NEK9: variants seen among roughly 807,000 people sequenced by gnomAD.
The protein encoded by NEK9 is serine/threonine-protein kinase Nek9.
In NEK9, 75 loss-of-function variants were observed where a neutral mutation model predicts 123.4. The ratio of observed to expected loss-of-function variants is 0.61; its 90% CI spans 0.50 to 0.74. The LOEUF is 0.74. NEK9 is among the 30% of genes least tolerant of loss of function. The pLI is 0.00. For synonymous variants in NEK9, 438 were observed against 458.7 expected (o/e 0.95, Z 0.58); for missense variants, 952 against 1,214.4 (o/e 0.78, Z 3.21).
At chr14:75,117,431 T>C in intron 5 of NEK9, 105 bp from the exon 6 acceptor site, 1 of 1,270,156 alleles carries the variant, frequency 7.9e-7, no homozygotes, top group Non-Finnish European at 1.1e-6. Context: ...ATAACAACCA[T>C]AAAACATTCA....
intron 21 of NEK9, chr14:75,085,004 T>TTG (rs946977920): frequency 1.7e-4 from 49 of 284,924 alleles, no homozygotes; most frequent in African/African-American, 8.2e-4. Flanking sequence ...CAATCTTACC[T>TTG]TGTGTGTGTG....
chr14:75,126,828 GCCCCGGACTCGAGTCCCCGCAAC>G lies in NEK9; in HGVS notation c.71_93del (p.Gly24AlafsTer2), dbSNP rs1895550739. The G allele has an allele frequency of 3.9e-6, 6 of 1,533,874 alleles. No homozygotes were observed. The highest frequency in any genetic ancestry group is 4.0e-5 in the Admixed American group (2 of 49,548). On this transcript the variant is annotated frameshift_variant, in exon 1 of 22. Transcript: ENST00000238616. LOFTEE classifies it high-confidence loss of function. Reference sequence around the variant, plus strand: ...GCTCGCGGCCCCTGACTGGCGCTAGGCCCCGGACTCGAGTCCCCGCAACCCCCGGACTCGCTCCCAAAGTCCGA... The same window carrying G: ...GCTCGCGGCCCCTGACTGGCGCTAGGCCCCGGACTCGCTCCCAAAGTCCGA...
chr14:75,120,644 C>T (rs1594852418), intron 3 of NEK9, 64 bp from the exon 4 acceptor site: 1 of 1,209,892 alleles, frequency 8.3e-7, no homozygotes, highest in Non-Finnish European at 1.2e-6. Context: ...AATACACACA[C>T]ACATAAACAA....
At chr14:75,109,587 C>T (rs1382949693) in intron 10 of NEK9, 98 bp downstream of exon 10, 1 of 1,127,910 alleles carries the variant, frequency 8.9e-7, no homozygotes, top group Non-Finnish European at 1.3e-6. Flanking sequence ...GTTGCCACTC[C>T]CTTAGTATAG....
chr14:75,091,631 G>T, intron 18 of NEK9, 153 bp from the exon 19 acceptor site: 1 of 522,234 alleles, frequency 1.9e-6, no homozygotes, highest in South Asian at 4.5e-5. Flanking sequence ...TAAATTTTTG[G>T]TTTTCATACA....
Position 75,102,554 on chromosome 14 carries a change from G to A in NEK9, c.1732-789C>T, listed in dbSNP as rs1301559802. Among the ~76,000 whole-genome samples, 6 of 151,058 alleles carry A rather than the reference G, an allele frequency of 4.0e-5. No individual in the cohort carries two copies. The East Asian group carries it at 1.2e-3, about 30-fold the overall frequency. ...TTTTTAGTGGAGACAGGGTTTCACCGTGTTAGCCAGGATGGTCTTGATCTC... is the reference window on the plus strand; with the variant it reads ...TTTTTAGTGGAGACAGGGTTTCACCATGTTAGCCAGGATGGTCTTGATCTC... On this transcript the variant is annotated intron_variant, in intron 14 of 21. Coordinates refer to ENST00000238616, the MANE Select transcript of NEK9 (RefSeq NM_033116.6).
chr14:75,097,379 A>C, intron 16 of NEK9, 109 bp from the exon 17 acceptor site: 1 of 888,206 alleles, frequency 1.1e-6, no homozygotes, highest in Non-Finnish European at 1.6e-6. Flanking sequence ...ACTATGTACT[A>C]AACAAGGGAA....
At chr14:75,086,891 C>A in intron 21 of NEK9, 127 bp downstream of exon 21, 1 of 955,560 alleles carries the variant, frequency 1.0e-6, no homozygotes, top group Non-Finnish European at 1.6e-6. Context: ...GGCAACAGAG[C>A]GAGACTCCGT....
chr14:75,106,383 AAAG>A (rs1409565144), intron 12 of NEK9, 116 bp downstream of exon 12: 8 of 763,942 alleles, frequency 1.0e-5, no homozygotes, highest in East Asian at 2.9e-5. Context: ...AAAAAAAAAA[AAAG>A]ATTTACTGAA....
At chr14:75,099,791 A>AC in intron 16 of NEK9, among the ~76,000 whole-genome samples, 1 of 150,350 alleles carries the variant, frequency 6.7e-6, no homozygotes. Flanking sequence ...TCAAAAAAAA[A>AC]AAAAAAAGAA....
intron 17 of NEK9, among the ~76,000 whole-genome samples, chr14:75,096,423 A>G (rs1041149393): frequency 1.3e-5 from 2 of 152,250 alleles, no homozygotes; most frequent in Non-Finnish European, 2.9e-5. Flanking sequence ...CTTTATGCAG[A>G]AAGTGCTTAT....
At chr14:75,115,597 T>A (rs995087023) in intron 6 of NEK9, among the ~76,000 whole-genome samples, 11 of 152,228 alleles carry the variant, frequency 7.2e-5, no homozygotes, top group African/African-American at 2.4e-4. Context: ...GAATATATAT[T>A]GTTACCATGT....
intron 20 of NEK9, among the ~76,000 whole-genome samples, chr14:75,087,581 C>T (rs1484602665): frequency 1.3e-5 from 2 of 152,234 alleles, no homozygotes; most frequent in Non-Finnish European, 2.9e-5. Context: ...TTTCAGATCA[C>T]AGACCCAAAG....
Position 75,084,611 on chromosome 14 carries a change from C to T in NEK9, c.2893G>A (p.Asp965Asn), listed in dbSNP as rs766927421. Residue 965 changes from aspartate (D) to asparagine (N), a missense_variant, in exon 22 of 22, where the codon GAT becomes AAT. Around this residue, in one of 4 missense-constraint regions of NEK9, gnomAD observed 698 missense variants for 875.6 expected, o/e 0.80. Transcript: ENST00000238616. ...TCTGTTCCCAGGAGGCACCAGGAAT[C>T]TGAATCTAAGTCAGGCTTTGGATCC... ...EMDPKPDLDS[D>N]SWCLLGTDSC... 7 of 1,614,086 alleles carry T rather than the reference C, an allele frequency of 4.3e-6. No individual in the cohort carries two copies. In the East Asian group the frequency reaches 8.9e-5, roughly 21 times the overall value.
intron 10 of NEK9, among the ~76,000 whole-genome samples, chr14:75,109,087 A>C (rs565093272): frequency 6.6e-6 from 1 of 152,176 alleles, no homozygotes; most frequent in Non-Finnish European, 1.5e-5. Flanking sequence ...TTTTGTCAAG[A>C]CTAGTTTCAA....
intron 12 of NEK9, 50 bp downstream of exon 12, chr14:75,106,452 G>T (rs1198231083): frequency 6.5e-7 from 1 of 1,540,234 alleles, no homozygotes; most frequent in Admixed American, 1.7e-5. Flanking sequence ...CAACTTTGAA[G>T]TCAGGTTGTA....
At chr14:75,094,904 A>G (rs1360976591) in intron 18 of NEK9, among the ~76,000 whole-genome samples, 1 of 152,194 alleles carries the variant, frequency 6.6e-6, no homozygotes, top group Non-Finnish European at 1.5e-5. Context: ...GTCCCCAATA[A>G]TAGAGAACCA....
intron 8 of NEK9, among the ~76,000 whole-genome samples, chr14:75,110,893 A>G (rs930259980): frequency 1.3e-5 from 2 of 151,978 alleles, no homozygotes; most frequent in Non-Finnish European, 2.9e-5. Context: ...TACAGATTCT[A>G]CCTATATAGT....
chr14:75,098,830 T>A (rs943293353), intron 16 of NEK9, among the ~76,000 whole-genome samples: 3 of 152,176 alleles, frequency 2.0e-5, no homozygotes, highest in African/African-American at 7.2e-5. Flanking sequence ...ACTACACAGA[T>A]CTATTCAAGA....
Sources: gnomAD v4.1 joint callset for allele counts (sites outside exome capture counted in the v4.1 genomes callset) on GRCh38, gnomAD v4.1.1 for gene constraint, gnomAD v4.1.1 regional missense constraint, MANE v1.5 for transcripts, NCBI Gene and HGNC (gene_info 2026-07-23, HGNC 2026-07-21) for gene names.